TNMD: variants seen among roughly 807,000 people sequenced by gnomAD.
TNMD encodes BRICHOS domain containing 4.
TNMD carries 15 observed loss-of-function variants against 26.9 expected under a neutral mutation model. The observed-to-expected ratio is 0.56, with a 90% confidence interval of 0.37 to 0.86. The LOEUF is 0.86. Among genes scored for constraint, TNMD ranks in the 40% least tolerant of loss-of-function variants. The pLI, the probability that TNMD is intolerant of heterozygous loss-of-function variation, is 0.00. For missense variants in TNMD, 222 were observed against 242.6 expected, an observed-to-expected ratio of 0.92 and a Z score of 0.56; for synonymous variants, 73 against 77.0, an observed-to-expected ratio of 0.95 and a Z score of 0.27.
At chrX:100,586,149 C>G (rs1373766337) in intron 2 of TNMD, among the ~76,000 whole-genome samples, 1 of 112,528 alleles carries the variant, frequency 8.9e-6, no homozygotes, top group African/African-American at 3.2e-5. Context: ...CCAAATAAAA[C>G]CATAGTCCCT....
intron 2 of TNMD, among the ~76,000 whole-genome samples, chrX:100,591,355 A>G (rs2082937032): frequency 9.0e-6 from 1 of 111,570 alleles, no homozygotes; most frequent in African/African-American, 3.3e-5. Context: ...GGACAAAGCC[A>G]TTTATTCTTT....
intron 6 of TNMD, 29 bp from the exon 7 acceptor site, chrX:100,599,479 C>T (rs2082962593): frequency 8.6e-7 from 1 of 1,163,459 alleles, no homozygotes. Flanking sequence ...TCCTCTCCCA[C>T]CCCCAACACT....
intron 3 of TNMD, 44 bp downstream of exon 3, chrX:100,594,079 T>G: frequency 8.6e-7 from 1 of 1,162,629 alleles, no homozygotes; most frequent in Non-Finnish European, 1.2e-6. Context: ...CTTAAAATAT[T>G]AGAGCAGTTG....
chrX:100,588,342 G>T (rs1219265788), intron 2 of TNMD, among the ~76,000 whole-genome samples: 1 of 110,964 alleles, frequency 9.0e-6, no homozygotes, highest in Non-Finnish European at 1.9e-5. Flanking sequence ...GAGAGAGAAT[G>T]AAATCAAAAT....
Position 100,585,374 on chromosome X carries a change from C to T in TNMD, c.180+12C>T. The stretch of plus-strand genomic sequence containing the variant: ...AGGTACCCAAAAAAGTAAGTAAATA[C>T]ACATCATAATCTGATGCTTCTGTTC... On this transcript the variant is annotated intron_variant, in intron 2 of 6. Coordinates refer to ENST00000373031, the MANE Select transcript of TNMD (RefSeq NM_022144.3). The T allele has an allele frequency of 3.3e-6, 4 of 1,204,730 alleles. No individual in the cohort carries two copies. Among genetic ancestry groups the T allele is most frequent in the Non-Finnish European group, 4.5e-6 (4 of 891,949 alleles).
At chrX:100,586,510 T>C (rs948892647) in intron 2 of TNMD, among the ~76,000 whole-genome samples, 5 of 111,579 alleles carry the variant, frequency 4.5e-5, no homozygotes, top group African/African-American at 1.6e-4. Context: ...GTCTGAAAGA[T>C]AACAGAGGTA....
At chrX:100,585,680 A>C (rs1227241653) in intron 2 of TNMD, among the ~76,000 whole-genome samples, 4 of 112,265 alleles carry the variant, frequency 3.6e-5, no homozygotes, top group African/African-American at 1.3e-4. Context: ...AATACTTTTA[A>C]TCTTTCTTTC....
chrX:100,597,082 G>A (rs980826309), intron 4 of TNMD, among the ~76,000 whole-genome samples: 58 of 112,025 alleles, frequency 5.2e-4, no homozygotes, highest in African/African-American at 1.8e-3. Flanking sequence ...TGTCAGCTTC[G>A]GGTCAAATCC....
Position 100,586,200 on chromosome X carries a change from T to C in TNMD, c.180+838T>C, listed in dbSNP as rs1420445728. Among the ~76,000 whole-genome samples, 22 of 112,889 alleles carry C rather than the reference T, an allele frequency of 1.9e-4. No homozygotes were observed. In the Admixed American group the frequency reaches 2.1e-3, roughly 11 times the overall value. ...CCATTTGAAAGATAATCAACAAATA[T>C]ACAAACTACAAGTTGTGAAGATAGT... On this transcript the variant is annotated intron_variant, in intron 2 of 6. Transcript: ENST00000373031.
At chrX:100,585,471 G>T in intron 2 of TNMD, 109 bp downstream of exon 2, 1 of 859,965 alleles carries the variant, frequency 1.2e-6, no homozygotes, top group South Asian at 3.7e-5. Context: ...TCTCTTTTGT[G>T]TTTATTTTCT....
In TNMD at chrX:100,597,768, T is replaced by G. The variant is rs1324395970; in HGVS notation, c.577+111T>G. ...GGAAAACAAATGATCGGTTTATATC[T>G]TCTTGGATGAGTCTATATATGCTGA... On this transcript the variant is annotated intron_variant, in intron 5 of 6. Transcript: ENST00000373031. 3 of 825,794 alleles carry G rather than the reference T, an allele frequency of 3.6e-6. No individual in the cohort carries two copies. In the African/African-American group the frequency reaches 6.1e-5, roughly 17 times the overall value. The allele number at this position is 825,794 out of a possible 1,213,427, so 68.1% of individuals were successfully genotyped here.
rs1317910147 is a variant in TNMD at position 100,599,536 on chromosome X, T to C, written c.773T>C (p.Met258Thr). 6 of 1,207,742 alleles carry C rather than the reference T, an allele frequency of 5.0e-6. No homozygotes were observed. The highest frequency in any genetic ancestry group is 3.4e-6 in the Non-Finnish European group (3 of 894,351). The change falls in exon 7 of 7, where the codon ATG (methionine) becomes ACG (threonine). Residue 258 changes from methionine (M) to threonine (T), a missense_variant. Transcript: ENST00000373031. ...GAAAATGGAATAGAATTTGATCCCA[T>C]GCTGGATGAGAGAGGTTATTGTTGT... ...YTENGIEFDP[M>T]LDERGYCCIY...
intron 2 of TNMD, chrX:100,593,591 G>C: frequency 5.4e-6 from 1 of 186,113 alleles, no homozygotes; most frequent in Non-Finnish European, 9.3e-6. Flanking sequence ...GTAAGGGGGG[G>C]GTCGTGATTA....
chrX:100,596,379 G>A (rs916615112), intron 4 of TNMD, among the ~76,000 whole-genome samples: 5 of 111,881 alleles, frequency 4.5e-5, no homozygotes, highest in Admixed American at 9.5e-5. Context: ...GGCTCATAAT[G>A]TCTCATTTTG....
At chrX:100,599,291 CAA>C (rs58182382) in intron 6 of TNMD, 109 bp downstream of exon 6, 184,260 of 605,382 alleles carry the variant, frequency 0.3, 15,619 homozygotes, top group East Asian at 0.51. Context: ...ATGGCTTTAA[CAA>C]AAAAAAAAAA....
At chrX:100,597,410 C>A in intron 4 of TNMD, 94 bp from the exon 5 acceptor site, 1 of 1,038,595 alleles carries the variant, frequency 9.6e-7, no homozygotes, top group Non-Finnish European at 1.3e-6. Context: ...AATTGTTACA[C>A]TCAAAATATA....
chrX:100,593,559 T>G, intron 2 of TNMD: 1 of 205,347 alleles, frequency 4.9e-6, no homozygotes, highest in Non-Finnish European at 7.6e-6. Flanking sequence ...CCTAATGAAT[T>G]TCACGGGTGA....
intron 5 of TNMD, among the ~76,000 whole-genome samples, chrX:100,598,329 G>C (rs1485127486): frequency 9.0e-6 from 1 of 111,456 alleles, no homozygotes; most frequent in African/African-American, 3.3e-5. Context: ...GCATCTGTGG[G>C]TACTCTTTAG....
chrX:100,584,963 G>A lies in TNMD; in HGVS notation c.-56G>A. On this transcript the variant is annotated 5_prime_UTR_variant, in exon 1 of 7. Coordinates refer to ENST00000373031, the MANE Select transcript of TNMD (RefSeq NM_022144.3). ...CCGACTCACTTGCAACTCCACCTCAGCAGTGGTCTCTCAGTCCTCTCAAAG... is the reference window on the plus strand; with the variant it reads ...CCGACTCACTTGCAACTCCACCTCAACAGTGGTCTCTCAGTCCTCTCAAAG... 1 of 1,127,492 alleles carries A rather than the reference G, an allele frequency of 8.9e-7. No individual in the cohort carries two copies. Among genetic ancestry groups the A allele is most frequent in the Non-Finnish European group, 1.2e-6 (1 of 835,382 alleles). 92.9% of individuals were successfully genotyped at this position (1,127,492 alleles called of 1,213,427 possible).
Sources: allele counts gnomAD v4.1 joint callset (sites outside exome capture counted in the v4.1 genomes callset), GRCh38; gene constraint gnomAD v4.1.1; transcripts MANE v1.5; gene names NCBI Gene and HGNC (gene_info 2026-07-23, HGNC 2026-07-21).